KANK1: variants seen among roughly 807,000 people sequenced by gnomAD.
The protein encoded by KANK1 is KN motif and ankyrin repeat domain-containing protein 1.
KANK1 carries 109 observed loss-of-function variants against 106.2 expected under a neutral mutation model. The ratio of observed to expected loss-of-function variants is 1.03; its 90% CI spans 0.88 to 1.20. The LOEUF (loss-of-function observed/expected upper bound fraction) is 1.20. Among genes scored for constraint, KANK1 ranks in the 50% most tolerant of loss-of-function variants. KANK1 has a pLI of 0.00. For synonymous variants in KANK1, 873 were observed against 652.2 expected (o/e 1.34, Z -5.16); for missense variants, 2,399 against 1,710.7 (o/e 1.40, Z -7.10).
intron 2 of KANK1, among the ~76,000 whole-genome samples, chr9:706,394 A>G (rs972556674): frequency 6.6e-6 from 1 of 152,216 alleles, no homozygotes; most frequent in Non-Finnish European, 1.5e-5. Context: ...AAACTGTGAT[A>G]AGTTTTGTTG....
intron 1 of KANK1, among the ~76,000 whole-genome samples, chr9:579,888 G>A (rs1252408761): frequency 6.6e-6 from 1 of 152,112 alleles, no homozygotes; most frequent in Non-Finnish European, 1.5e-5. Context: ...AATCAGTCCT[G>A]GATTGTGCTG....
chr9:606,558 GA>G (rs1193158225), intron 1 of KANK1, among the ~76,000 whole-genome samples: 3 of 131,004 alleles, frequency 2.3e-5, no homozygotes, highest in South Asian at 4.9e-4. Context: ...CTCTGTCTCA[GA>G]AAAAAAATAT....
intron 1 of KANK1, among the ~76,000 whole-genome samples, chr9:629,424 A>G (rs1835146174): frequency 6.6e-6 from 1 of 152,224 alleles, no homozygotes; most frequent in African/African-American, 2.4e-5. Context: ...TACAATGTTA[A>G]TAAATATTTC....
At chr9:517,252 C>T (rs1374063004) in intron 1 of KANK1, among the ~76,000 whole-genome samples, 1 of 151,648 alleles carries the variant, frequency 6.6e-6, no homozygotes, top group Non-Finnish European at 1.5e-5. Context: ...TACAGGCATG[C>T]ACCACCATGC....
intron 1 of KANK1, among the ~76,000 whole-genome samples, chr9:506,308 A>C (rs554568519): frequency 1.8e-4 from 27 of 152,204 alleles, no homozygotes; most frequent in Non-Finnish European, 3.7e-4. Flanking sequence ...TGCTGAAGCA[A>C]TGGAAGAAAA....
chr9:668,985 A>C (rs995740112), intron 1 of KANK1, among the ~76,000 whole-genome samples: 1 of 152,140 alleles, frequency 6.6e-6, no homozygotes, highest in Non-Finnish European at 1.5e-5. Flanking sequence ...CCTGGTTCCT[A>C]ACATGCGACG....
rs185528441 is a variant in KANK1 at position 562,797 on chromosome 9, C to A, written c.-84+58043C>A. The stretch of plus-strand genomic sequence containing the variant: ...GGATGAAAGAGCTAGTGAACTTCAT[C>A]ACGGCAGAAGTTGGGTCTGATTTTG... On this transcript the variant is annotated intron_variant, in intron 1 of 11. Transcript: ENST00000382297. 2.6e-3 allele frequency among the ~76,000 whole-genome samples: 398 copies of A among 152,272 alleles called. 2 individuals carry two copies. Among genetic ancestry groups the A allele is most frequent in the African/African-American group, 9.3e-3 (386 of 41,548 alleles).
chr9:582,072 A>G (rs1361716793), intron 1 of KANK1, among the ~76,000 whole-genome samples: 1 of 152,144 alleles, frequency 6.6e-6, no homozygotes, highest in Admixed American at 6.5e-5. Flanking sequence ...CCTGCCCCAG[A>G]GTTGGTAACT....
upstream of KANK1, among the ~76,000 whole-genome samples, chr9:504,475 G>A (rs1455838366): frequency 6.6e-6 from 1 of 151,346 alleles, no homozygotes; most frequent in African/African-American, 2.4e-5. Context: ...CGGGGAGCCG[G>A]GCGTCCTCTG....
chr9:612,764 A>T (rs1830871493), intron 1 of KANK1, among the ~76,000 whole-genome samples: 1 of 152,184 alleles, frequency 6.6e-6, no homozygotes, highest in Admixed American at 6.5e-5. Context: ...GGTAGCAGTT[A>T]TATGTGAGCA....
At chr9:665,352 A>C (rs1383493953) in intron 1 of KANK1, among the ~76,000 whole-genome samples, 2 of 152,156 alleles carry the variant, frequency 1.3e-5, no homozygotes, top group African/African-American at 2.4e-5. Flanking sequence ...ACATGGTGAG[A>C]GATAGAGGTC....
rs533258055 is a variant in KANK1, at chr9:560,377, C to G, written c.-84+55623C>G. 6.6e-4 allele frequency among the ~76,000 whole-genome samples: 101 copies of G among 152,300 alleles called. 1 individual carries two copies. The highest frequency in any genetic ancestry group is 6.2e-3 in the South Asian group (30 of 4,816). ...TTAACTGTTGACTTTGTGCAATTCA[C>G]TGCCTTGCCAGTGCTATTCTAACTT... is the stretch of plus-strand genomic sequence containing the variant. On this transcript the variant is annotated intron_variant, in intron 1 of 11. Transcript: ENST00000382297.
intron 1 of KANK1, among the ~76,000 whole-genome samples, chr9:654,812 TGTGAGAGAGA>T (rs1442202718): frequency 3.7e-4 from 50 of 134,836 alleles, no homozygotes; most frequent in African/African-American, 1.4e-3. Context: ...TGTGTGTGTG[TGTGAGAGAGA>T]GAGAGAGAGA....
intron 3 of KANK1, among the ~76,000 whole-genome samples, chr9:718,208 G>T (rs1828243468): frequency 6.6e-6 from 1 of 150,504 alleles, no homozygotes; most frequent in Admixed American, 6.6e-5. Context: ...CTGGGACCCT[G>T]CAGATATAAA....
intron 1 of KANK1, among the ~76,000 whole-genome samples, chr9:584,659 T>C (rs1823008719): frequency 1.3e-5 from 2 of 152,166 alleles, no homozygotes; most frequent in Non-Finnish European, 2.9e-5. Flanking sequence ...AATAGTTCTG[T>C]AAGATTTGTT....
intron 1 of KANK1, among the ~76,000 whole-genome samples, chr9:579,105 G>T (rs1453112632): frequency 1.3e-5 from 2 of 152,172 alleles, no homozygotes; most frequent in Admixed American, 1.3e-4. Flanking sequence ...GCACAGTTTG[G>T]CAGGGAAGGC....
chr9:721,265 C>T (rs973886334), intron 3 of KANK1, among the ~76,000 whole-genome samples: 1 of 152,070 alleles, frequency 6.6e-6, no homozygotes, highest in Non-Finnish European at 1.5e-5. Context: ...CTCAGGAGCC[C>T]CACGTTATTT....
At chr9:721,914 A>G (rs1829442054) in intron 3 of KANK1, among the ~76,000 whole-genome samples, 1 of 152,272 alleles carries the variant, frequency 6.6e-6, no homozygotes, top group Non-Finnish European at 1.5e-5. Flanking sequence ...ACAATGTTCC[A>G]TAAGCAAGAA....
intron 1 of KANK1, among the ~76,000 whole-genome samples, chr9:513,101 G>A (rs370887499): frequency 6.6e-6 from 1 of 152,204 alleles, no homozygotes; most frequent in Non-Finnish European, 1.5e-5. Context: ...ACTAAAAATG[G>A]GAATTGCCTA....
Sources: gnomAD v4.1 joint callset for allele counts (sites outside exome capture counted in the v4.1 genomes callset) on GRCh38, gnomAD v4.1.1 for gene constraint, MANE v1.5 for transcripts, NCBI Gene and HGNC (gene_info 2026-07-23, HGNC 2026-07-21) for gene names.